Variants in MCTP2 observed in about 807,000 individuals in gnomAD.
MCTP2 encodes multiple C2 and transmembrane domain-containing protein 2.
In MCTP2, 132 loss-of-function variants were observed where a neutral mutation model predicts 111.6. The observed-to-expected ratio is 1.18, with a 90% CI of 1.03 to 1.37. The LOEUF is 1.37. Among genes scored for constraint, MCTP2 ranks in the 40% most tolerant of loss-of-function variants. The pLI, the probability that MCTP2 is intolerant of heterozygous loss-of-function variation, is 0.00. For missense variants in MCTP2, 1,183 were observed against 1,067.9 expected (o/e 1.11, Z -1.50); for synonymous variants, 395 against 387.7 (o/e 1.02, Z -0.22).
chr15:94,421,094 A>ACT (rs1555470893), intron 17 of MCTP2, among the ~76,000 whole-genome samples: 7 of 143,124 alleles, frequency 4.9e-5, no homozygotes, highest in African/African-American at 1.5e-4. Context: ...GGATGATAGT[A>ACT]TTTTTTTTTT....
At chr15:94,314,570 A>G (rs1199043603) in intron 3 of MCTP2, among the ~76,000 whole-genome samples, 1 of 152,336 alleles carries the variant, frequency 6.6e-6, no homozygotes, top group Middle Eastern at 3.4e-3. Context: ...CAGAGTAACT[A>G]TGAAATTGAG....
chr15:94,279,865 T>C (rs2074391249), intron 1 of MCTP2, among the ~76,000 whole-genome samples: 1 of 152,236 alleles, frequency 6.6e-6, no homozygotes, highest in Non-Finnish European at 1.5e-5. Context: ...CAGATAATCA[T>C]GTGGTTTTTG....
chr15:94,379,882 A>G (rs2080028210), intron 12 of MCTP2, among the ~76,000 whole-genome samples: 2 of 146,220 alleles, frequency 1.4e-5, no homozygotes, highest in African/African-American at 5.0e-5. Context: ...ATCTATACTT[A>G]TATATAATAT....
intron 8 of MCTP2, among the ~76,000 whole-genome samples, chr15:94,348,374 C>T (rs1197560095): frequency 8.0e-6 from 1 of 124,804 alleles, no homozygotes; most frequent in African/African-American, 3.2e-5. Flanking sequence ...CCCCTTCTCT[C>T]TCTCCCTCTC....
chr15:94,475,008 C>T (rs769947322), intron 21 of MCTP2, among the ~76,000 whole-genome samples: 49 of 152,080 alleles, frequency 3.2e-4, no homozygotes, highest in Middle Eastern at 3.4e-3. Context: ...CCTGCCTTGC[C>T]GTTCATTGTG....
chr15:94,322,998 G>A (rs1433944), intron 4 of MCTP2, among the ~76,000 whole-genome samples: 116,042 of 152,162 alleles, frequency 0.76, 44,896 homozygotes, highest in East Asian at 0.93. Flanking sequence ...CTGTGATGCC[G>A]TCAGCGAGAG....
intron 2 of MCTP2, 83 bp downstream of exon 2, chr15:94,298,813 C>CCTCTCTCTTCCCCCCTCCCCCTCCCT: frequency 1.5e-6 from 1 of 667,860 alleles, no homozygotes. Flanking sequence ...TCCCCATCTC[C>CCTCTCTCTTCCCCCCTCCCCCTCCCT]CTCTCTCTTC....
intron 4 of MCTP2, among the ~76,000 whole-genome samples, chr15:94,329,908 C>T (rs931061328): frequency 2.6e-5 from 4 of 152,190 alleles, no homozygotes; most frequent in Non-Finnish European, 4.4e-5. Flanking sequence ...TCTCCAGACT[C>T]ACTCATCTTA....
intron 1 of MCTP2, among the ~76,000 whole-genome samples, chr15:94,243,835 A>G (rs1351336601): frequency 1.4e-5 from 2 of 147,832 alleles, no homozygotes; most frequent in Non-Finnish European, 3.0e-5. Flanking sequence ...ATATGTATAT[A>G]TTTATGTACA....
At position 94,440,160 on chromosome 15, in the gene MCTP2, T is replaced by G. The variant is rs538066816; in HGVS notation, c.2086-16T>G. 1.7e-5 allele frequency: 28 copies of G among 1,613,470 alleles called. No homozygotes were observed. In the South Asian group the frequency reaches 2.5e-4, roughly 15 times the overall value. The stretch of plus-strand genomic sequence containing the variant: ...TTTATCAAGCAGTCGTGTATTCTTA[T>G]TTGTCTTTCAATCAGGTATTTTTGA... On this transcript the variant is annotated splice_polypyrimidine_tract_variant and intron_variant, in intron 17 of 22. Coordinates refer to ENST00000357742, the MANE Select transcript of MCTP2 (RefSeq NM_001385001.1).
chr15:94,310,473 G>A (rs1296675491), intron 2 of MCTP2, among the ~76,000 whole-genome samples: 1 of 152,006 alleles, frequency 6.6e-6, no homozygotes, highest in Non-Finnish European at 1.5e-5. Context: ...TTTACAGTGT[G>A]TTAATTTTTT....
Position 94,371,280 on chromosome 15 carries a change from G to A in MCTP2, c.1582+1100G>A, listed in dbSNP as rs538939827. Among the ~76,000 whole-genome samples the A allele has an allele frequency of 3.3e-5, 5 of 152,194 alleles. No homozygotes were observed. The East Asian group carries it at 9.7e-4, about 29-fold the overall frequency. On this transcript the variant is annotated intron_variant, in intron 12 of 22. Coordinates refer to ENST00000357742, the MANE Select transcript of MCTP2 (RefSeq NM_001385001.1). ...AGGCTTGTAGGTGAAGTACTCAGAT[G>A]ATTGCTCTTAATATTCACTAGTATT...
At chr15:94,243,894 T>G (rs1596145737) in intron 1 of MCTP2, among the ~76,000 whole-genome samples, 1 of 144,580 alleles carries the variant, frequency 6.9e-6, no homozygotes, top group East Asian at 2.1e-4. Context: ...TACACATATA[T>G]GTATACACAT....
intron 20 of MCTP2, among the ~76,000 whole-genome samples, chr15:94,468,046 TGCG>T (rs2073550909): frequency 2.6e-5 from 4 of 152,176 alleles, no homozygotes; most frequent in Non-Finnish European, 2.9e-5. Context: ...AATTTGTTCA[TGCG>T]AAAGTTTATA....
intron 12 of MCTP2, among the ~76,000 whole-genome samples, chr15:94,379,792 GAT>G (rs1314599707): frequency 8.5e-4 from 120 of 141,496 alleles, no homozygotes; most frequent in African/African-American, 3.2e-3. Context: ...AATTATATAT[GAT>G]ATGTAATATA....
At chr15:94,302,506 C>T (rs772524330) in intron 2 of MCTP2, among the ~76,000 whole-genome samples, 15 of 152,194 alleles carry the variant, frequency 9.9e-5, no homozygotes, top group Non-Finnish European at 1.8e-4. Flanking sequence ...CCAAATCCAG[C>T]TGTAAAACCA....
chr15:94,333,803 C>G (rs1477469681), intron 4 of MCTP2, among the ~76,000 whole-genome samples: 1 of 152,136 alleles, frequency 6.6e-6, no homozygotes, highest in South Asian at 2.1e-4. Flanking sequence ...AAGGAAGCAG[C>G]CAGTCCTTAT....
intron 17 of MCTP2, among the ~76,000 whole-genome samples, chr15:94,427,006 A>G (rs2082925713): frequency 6.6e-6 from 1 of 152,140 alleles, no homozygotes; most frequent in African/African-American, 2.4e-5. Context: ...TGACATTGCC[A>G]GAAGATTTTA....
At chr15:94,444,000 A>AAC (rs1335251617) in intron 19 of MCTP2, among the ~76,000 whole-genome samples, 1 of 149,844 alleles carries the variant, frequency 6.7e-6, no homozygotes, top group Non-Finnish European at 1.5e-5. Context: ...AAAAAAAAAA[A>AAC]AAAAAACAGA....
Sources: gnomAD v4.1 joint callset for allele counts (sites outside exome capture counted in the v4.1 genomes callset) on GRCh38, gnomAD v4.1.1 for gene constraint, MANE v1.5 for transcripts, NCBI Gene and HGNC (gene_info 2026-07-23, HGNC 2026-07-21) for gene names.